AGBL4: variants seen among roughly 807,000 people sequenced by gnomAD.
AGBL4 encodes AGBL carboxypeptidase 4, also known as cytosolic carboxypeptidase 6.
Under a neutral mutation model 66.4 loss-of-function variants are expected in AGBL4, and 58 were observed. That is an observed-to-expected ratio of 0.87 (90% confidence interval 0.71 to 1.09). AGBL4 has a LOEUF of 1.09. Ranked by LOEUF, AGBL4 falls within the 50% of genes least tolerant of loss-of-function variation. AGBL4 has a pLI of 0.00. For synonymous variants in AGBL4, 234 were observed against 222.9 expected (o/e 1.05, Z -0.44); for missense variants, 579 against 631.0 (o/e 0.92, Z 0.88).
chr1:49,819,169 G>T (rs1645304241), intron 2 of AGBL4, among the ~76,000 whole-genome samples: 1 of 152,114 alleles, frequency 6.6e-6, no homozygotes, highest in Non-Finnish European at 1.5e-5. Flanking sequence ...AGGGCACAGG[G>T]TAGAATTTCA....
chr1:48,795,077 A>G (rs1452416756), intron 6 of AGBL4, among the ~76,000 whole-genome samples: 1 of 152,084 alleles, frequency 6.6e-6, no homozygotes, highest in African/African-American at 2.4e-5. Context: ...CACCATATAT[A>G]TCTTTCAAAT....
intron 5 of AGBL4, among the ~76,000 whole-genome samples, chr1:49,011,822 A>G (rs1284093029): frequency 7.0e-6 from 1 of 142,654 alleles, no homozygotes. Context: ...ATAGGTGGGA[A>G]TTGAACAATG....
At chr1:48,544,824 G>T (rs1455348272) in intron 11 of AGBL4, among the ~76,000 whole-genome samples, 4 of 152,116 alleles carry the variant, frequency 2.6e-5, no homozygotes, top group African/African-American at 9.7e-5. Flanking sequence ...TTGTCTGACT[G>T]CAACACACCA....
intron 11 of AGBL4, among the ~76,000 whole-genome samples, chr1:48,577,623 A>G (rs2148326907): frequency 6.6e-6 from 1 of 152,250 alleles, no homozygotes; most frequent in Middle Eastern, 3.4e-3. Flanking sequence ...TCAGGGGCAC[A>G]TTTTGATCTG....
intron 5 of AGBL4, among the ~76,000 whole-genome samples, chr1:48,884,690 A>G (rs1235441031): frequency 3.3e-5 from 5 of 152,188 alleles, no homozygotes; most frequent in African/African-American, 7.2e-5. Flanking sequence ...TGCATATTAT[A>G]TCCCTAAATA....
intron 5 of AGBL4, among the ~76,000 whole-genome samples, chr1:48,982,116 T>C (rs1398437741): frequency 1.3e-5 from 2 of 152,142 alleles, no homozygotes; most frequent in Non-Finnish European, 2.9e-5. Flanking sequence ...AGTAGTTCAC[T>C]AGGACTGTTT....
intron 1 of AGBL4, among the ~76,000 whole-genome samples, chr1:49,987,837 C>T (rs1318203969): frequency 6.6e-6 from 1 of 151,826 alleles, no homozygotes; most frequent in East Asian, 1.9e-4. Context: ...TATTAACTCA[C>T]TTAATTGTTA....
intron 3 of AGBL4, among the ~76,000 whole-genome samples, chr1:49,552,842 G>A (rs1653079909): frequency 6.6e-6 from 1 of 152,184 alleles, no homozygotes; most frequent in South Asian, 2.1e-4. Flanking sequence ...GATGACGCTT[G>A]ATTCCTATAC....
chr1:49,303,322 G>GT (rs1205449338), intron 3 of AGBL4, among the ~76,000 whole-genome samples: 1 of 152,058 alleles, frequency 6.6e-6, no homozygotes, highest in Non-Finnish European at 1.5e-5. Context: ...GCCAGCATCT[G>GT]TTTTTTCTTG....
chr1:49,640,643 G>A (rs1645762739), intron 3 of AGBL4, among the ~76,000 whole-genome samples: 1 of 152,076 alleles, frequency 6.6e-6, no homozygotes, highest in Admixed American at 6.6e-5. Flanking sequence ...TCTACCATAC[G>A]GTCTCCTTCC....
rs367645068 is a variant in AGBL4 at position 48,969,234 on chromosome 1, C to T, written c.594+76350G>A. 4.6e-5 allele frequency among the ~76,000 whole-genome samples: 7 copies of T among 152,120 alleles called. No individual in the cohort carries two copies. The East Asian group carries it at 7.8e-4, about 17-fold the overall frequency. On this transcript the variant is annotated intron_variant, in intron 5 of 13. Transcript: ENST00000371839. ...CGTTGGCTAATACCATAATACACGGCGGACACTCCTTATTTCCCAGTTACA... is the reference window on the plus strand; with the variant it reads ...CGTTGGCTAATACCATAATACACGGTGGACACTCCTTATTTCCCAGTTACA...
intron 2 of AGBL4, among the ~76,000 whole-genome samples, chr1:49,834,230 T>C (rs1645782683): frequency 6.6e-6 from 1 of 152,196 alleles, no homozygotes; most frequent in Non-Finnish European, 1.5e-5. Context: ...TTTTGGTTGG[T>C]ACATTATTAA....
intron 6 of AGBL4, among the ~76,000 whole-genome samples, chr1:48,689,262 T>C (rs1646585931): frequency 1.3e-5 from 2 of 148,256 alleles, no homozygotes; most frequent in Non-Finnish European, 3.0e-5. Flanking sequence ...CTCCCTGTCA[T>C]GGAGTCCTTA....
Position 48,795,921 on chromosome 1 carries a change from T to G in AGBL4, c.634+71270A>C, listed in dbSNP as rs544234726. 1.1e-4 allele frequency among the ~76,000 whole-genome samples: 16 copies of G among 152,352 alleles called. 1 individual carries two copies. Among genetic ancestry groups the G allele is most frequent in the African/African-American group, 3.6e-4 (15 of 41,582 alleles). On this transcript the variant is annotated intron_variant, in intron 6 of 13. Transcript: ENST00000371839. Reference sequence around the variant, plus strand: ...CACCCGCCTCAGCCTCCCAAAGTGCTGGGATTACAGGCGTGAGCCACTGTG... The same window carrying G: ...CACCCGCCTCAGCCTCCCAAAGTGCGGGGATTACAGGCGTGAGCCACTGTG...
intron 5 of AGBL4, among the ~76,000 whole-genome samples, chr1:48,902,424 A>G (rs1167958136): frequency 2.0e-5 from 3 of 152,216 alleles, no homozygotes; most frequent in African/African-American, 7.2e-5. Flanking sequence ...TGATGTTGAT[A>G]ATCTAGAAGA....
At position 48,905,475 on chromosome 1, in the gene AGBL4, T is replaced by A. The variant is rs112193297; in HGVS notation, c.595-38245A>T. On this transcript the variant is annotated intron_variant, in intron 5 of 13. Coordinates refer to ENST00000371839, the MANE Select transcript of AGBL4 (RefSeq NM_032785.4). ...ACAGTTATAATAAACAATGGAAGAA[T>A]TAAAAAGATAATCCATGTTTCTCAT... is the stretch of plus-strand genomic sequence containing the variant. Among the ~76,000 whole-genome samples the A allele has an allele frequency of 5.7e-3, 863 of 152,312 alleles. 5 individuals carry two copies. Among genetic ancestry groups the A allele is most frequent in the South Asian group, 0.015 (72 of 4,824 alleles).
Position 49,490,515 on chromosome 1 carries a change from G to A in AGBL4, c.282+206798C>T, listed in dbSNP as rs1647167074. ...GTATTTCTAGTGTCATCTTTTCCTG[G>A]TTTTGCTATCAAAGTTTGCTAGCCT... On this transcript the variant is annotated intron_variant, in intron 3 of 13. Coordinates refer to ENST00000371839, the MANE Select transcript of AGBL4 (RefSeq NM_032785.4). Among the ~76,000 whole-genome samples the A allele has an allele frequency of 2.6e-5, 4 of 151,262 alleles. No homozygotes were observed. The South Asian group carries it at 6.2e-4, about 24-fold the overall frequency.
intron 3 of AGBL4, among the ~76,000 whole-genome samples, chr1:49,643,406 T>G (rs965494085): frequency 2.0e-5 from 3 of 151,360 alleles, no homozygotes; most frequent in Admixed American, 6.6e-5. Flanking sequence ...GGAAGAGAGA[T>G]AGAAGAAACA....
chr1:48,731,272 T>TAA (rs74636032), intron 6 of AGBL4, among the ~76,000 whole-genome samples: 7 of 145,890 alleles, frequency 4.8e-5, no homozygotes, highest in African/African-American at 1.7e-4. Context: ...CTGTCTTTAG[T>TAA]AAAAAAAAAA....
Sources: gnomAD v4.1 joint callset for allele counts (sites outside exome capture counted in the v4.1 genomes callset) on GRCh38, gnomAD v4.1.1 for gene constraint, MANE v1.5 for transcripts, NCBI Gene and HGNC (gene_info 2026-07-23, HGNC 2026-07-21) for gene names.